Variants in CLSTN2 observed in about 807,000 individuals in gnomAD.
The protein encoded by CLSTN2 is calsyntenin-2.
In CLSTN2, 48 loss-of-function variants were observed where a neutral mutation model predicts 101.2. The observed-to-expected ratio is 0.47, with a 90% CI of 0.38 to 0.60. The LOEUF (loss-of-function observed/expected upper bound fraction) is 0.60, where lower values mean the gene tolerates loss of function less well. CLSTN2 is among the 20% of genes least tolerant of loss of function. The pLI is 0.00. For synonymous variants in CLSTN2, 481 were observed against 463.6 expected (o/e 1.04, Z -0.48); for missense variants, 1,160 against 1,238.2 (o/e 0.94, Z 0.95).
chr3:139,961,472 T>C (rs1386475993), intron 1 of CLSTN2, among the ~76,000 whole-genome samples: 3 of 152,118 alleles, frequency 2.0e-5, no homozygotes, highest in African/African-American at 7.2e-5. Context: ...AAGGTGTAGA[T>C]AGAAGCAGAG....
chr3:140,443,379 T>C (rs1427865941), intron 5 of CLSTN2, among the ~76,000 whole-genome samples: 3 of 152,256 alleles, frequency 2.0e-5, no homozygotes, highest in Non-Finnish European at 4.4e-5. Flanking sequence ...TAGATTAGCT[T>C]TATTCCCCCT....
chr3:140,487,186 C>T (rs1449936816), intron 8 of CLSTN2, among the ~76,000 whole-genome samples: 1 of 152,140 alleles, frequency 6.6e-6, no homozygotes, highest in Non-Finnish European at 1.5e-5. Context: ...TGGTTTTAGC[C>T]ATAAATTAGA....
chr3:139,940,010 A>G (rs1935098597), intron 1 of CLSTN2, among the ~76,000 whole-genome samples: 1 of 152,138 alleles, frequency 6.6e-6, no homozygotes, highest in Non-Finnish European at 1.5e-5. Context: ...TTGGCCTTCC[A>G]TAAGGAACCT....
At chr3:140,223,048 A>G (rs75026048) in intron 2 of CLSTN2, among the ~76,000 whole-genome samples, 4,804 of 152,226 alleles carry the variant, frequency 0.032, 112 homozygotes, top group Non-Finnish European at 0.047. Context: ...TAAGAATCAG[A>G]CCCAGACAAT....
At chr3:140,448,214 T>G (rs1933140747) in intron 5 of CLSTN2, among the ~76,000 whole-genome samples, 1 of 42,868 alleles carries the variant, frequency 2.3e-5, no homozygotes, top group Non-Finnish European at 3.7e-5. Context: ...TGTGACTGTG[T>G]GTGTGTGTGT....
intron 8 of CLSTN2, among the ~76,000 whole-genome samples, chr3:140,481,988 G>C (rs1417238543): frequency 1.3e-5 from 2 of 152,168 alleles, no homozygotes; most frequent in Non-Finnish European, 2.9e-5. Context: ...ACACTATGTT[G>C]AATAGGAGTG....
intron 2 of CLSTN2, among the ~76,000 whole-genome samples, chr3:140,323,190 A>T (rs989040056): frequency 2.6e-5 from 4 of 152,188 alleles, no homozygotes; most frequent in African/African-American, 9.6e-5. Flanking sequence ...GGGTTCCCAC[A>T]GCAGTGGGCT....
At chr3:140,494,296 G>A (rs912457122) in intron 8 of CLSTN2, among the ~76,000 whole-genome samples, 1 of 152,150 alleles carries the variant, frequency 6.6e-6, no homozygotes, top group African/African-American at 2.4e-5. Flanking sequence ...AGTTTATGAC[G>A]TTCTCCTTCA....
At chr3:140,473,450 G>C (rs1933900525) in intron 8 of CLSTN2, among the ~76,000 whole-genome samples, 1 of 152,156 alleles carries the variant, frequency 6.6e-6, no homozygotes. Flanking sequence ...AGATGATTTT[G>C]GATTATTCTT....
At chr3:140,532,596 C>T in intron 9 of CLSTN2, 110 bp downstream of exon 9, 1 of 832,644 alleles carries the variant, frequency 1.2e-6, no homozygotes, top group Non-Finnish European at 1.7e-6. Flanking sequence ...AGAAAAATTA[C>T]TACCCCTTAC....
At chr3:140,252,535 G>T (rs992545244) in intron 2 of CLSTN2, among the ~76,000 whole-genome samples, 7 of 152,182 alleles carry the variant, frequency 4.6e-5, no homozygotes, top group Non-Finnish European at 8.8e-5. Flanking sequence ...AGCCAGAAAG[G>T]TAAAGTGAAA....
intron 1 of CLSTN2, among the ~76,000 whole-genome samples, chr3:140,081,952 T>A (rs533670315): frequency 6.6e-6 from 1 of 152,300 alleles, no homozygotes; most frequent in East Asian, 1.9e-4. Context: ...TTTAACTAAC[T>A]GTAACTTGTT....
chr3:140,287,380 A>C (rs1328865409), intron 2 of CLSTN2, among the ~76,000 whole-genome samples: 1 of 152,160 alleles, frequency 6.6e-6, no homozygotes, highest in Non-Finnish European at 1.5e-5. Context: ...ATTGGAGTGC[A>C]TGGAAGGGTG....
At chr3:140,379,581 G>A (rs1017545596) in intron 2 of CLSTN2, among the ~76,000 whole-genome samples, 1 of 152,202 alleles carries the variant, frequency 6.6e-6, no homozygotes, top group Non-Finnish European at 1.5e-5. Context: ...TCCTCCTGGG[G>A]AAGGGAACAT....
chr3:140,203,461 GTTTTTTTTT>G (rs58182333), intron 2 of CLSTN2, among the ~76,000 whole-genome samples: 7 of 67,918 alleles, frequency 1.0e-4, no homozygotes, highest in East Asian at 1.0e-3. Context: ...GAAAGTGTGG[GTTTTTTTTT>G]TTTTTTTTTT....
intron 2 of CLSTN2, among the ~76,000 whole-genome samples, chr3:140,303,589 A>T (rs2087081653): frequency 6.6e-6 from 1 of 152,172 alleles, no homozygotes; most frequent in Non-Finnish European, 1.5e-5. Context: ...TACTTCCAAA[A>T]TTTAAAATAT....
chr3:140,262,465 A>C (rs1255280932), intron 2 of CLSTN2, among the ~76,000 whole-genome samples: 1 of 141,100 alleles, frequency 7.1e-6, no homozygotes, highest in East Asian at 2.1e-4. Flanking sequence ...TCGAAATGAA[A>C]TTATTTTTTA....
chr3:140,312,911 C>A (rs1182487663), intron 2 of CLSTN2, among the ~76,000 whole-genome samples: 1 of 152,214 alleles, frequency 6.6e-6, no homozygotes, highest in Admixed American at 6.5e-5. Flanking sequence ...AGCTTGTCTG[C>A]AAAGGTCTTC....
chr3:140,531,112 A>G (rs961308943), intron 8 of CLSTN2, among the ~76,000 whole-genome samples: 4 of 152,090 alleles, frequency 2.6e-5, no homozygotes, highest in Non-Finnish European at 4.4e-5. Flanking sequence ...CACCCAGCCC[A>G]GGGTTTGGTC....
Sources: gnomAD v4.1 joint callset for allele counts (sites outside exome capture counted in the v4.1 genomes callset) on GRCh38, gnomAD v4.1.1 for gene constraint, MANE v1.5 for transcripts, NCBI Gene and HGNC (gene_info 2026-07-23, HGNC 2026-07-21) for gene names.